The following TRMT9B variants were observed in gnomAD, a reference collection of about 807,000 sequenced individuals.
TRMT9B encodes the protein tRNA methyltransferase 9B (putative).
TRMT9B carries 16 observed loss-of-function variants against 11.5 expected under a neutral mutation model. The observed-to-expected ratio is 1.39, with a 90% CI of 0.94 to 2.11. TRMT9B has a LOEUF of 2.11. Among genes scored for constraint, TRMT9B ranks in the 30% most tolerant of loss-of-function variants. TRMT9B has a pLI of 0.00. For synonymous variants in TRMT9B, 274 were observed against 192.4 expected (o/e 1.42, Z -3.51); for missense variants, 941 against 553.8 (o/e 1.70, Z -7.02).
chr8:12,965,047 A>G (rs889039154), intron 1 of TRMT9B, among the ~76,000 whole-genome samples: 34 of 152,178 alleles, frequency 2.2e-4, no homozygotes, highest in African/African-American at 7.7e-4. Flanking sequence ...AAGAAGTACA[A>G]TTTGCTGCCA....
chr8:12,966,969 G>A (rs1365093057), intron 1 of TRMT9B, among the ~76,000 whole-genome samples: 2 of 152,164 alleles, frequency 1.3e-5, no homozygotes, highest in Admixed American at 1.3e-4. Context: ...AAGCATTTTA[G>A]GGCTAGGTAG....
chr8:12,982,673 A>T lies in TRMT9B; in HGVS notation c.-199-8161A>T, dbSNP rs528509355. ...AGAGACTCCATCTCAAAAAAAAAAA[A>T]ATCATAATCAGAGTTTATTTAGTTT... On this transcript the variant is annotated intron_variant, in intron 1 of 4. Transcript: ENST00000524591. Among the ~76,000 whole-genome samples the T allele has an allele frequency of 2.6e-5, 4 of 152,246 alleles. No individual in the cohort carries two copies. The East Asian group carries it at 7.7e-4, about 29-fold the overall frequency.
In TRMT9B at chr8:13,015,219, AT is replaced by A. The variant is rs1243236644; in HGVS notation, c.328+2368del. ...ATTGGATTTTTTTAATGATTCAAGA[AT>A]TTTTTATTTTTATTTTTTATTTTTC... On this transcript the variant is annotated intron_variant, in intron 4 of 4. Transcript: ENST00000524591. 6.6e-5 allele frequency among the ~76,000 whole-genome samples: 10 copies of A among 151,786 alleles called. No individual in the cohort carries two copies. The South Asian group carries it at 1.0e-3, about 16-fold the overall frequency.
intron 1 of TRMT9B, among the ~76,000 whole-genome samples, chr8:12,946,886 T>TA (rs1800294912): frequency 6.6e-6 from 1 of 152,176 alleles, no homozygotes; most frequent in African/African-American, 2.4e-5. Context: ...CCTATGTACC[T>TA]TGAGAAGGTC....
intron 3 of TRMT9B, among the ~76,000 whole-genome samples, chr8:13,008,739 T>C (rs930828362): frequency 2.0e-5 from 3 of 152,156 alleles, no homozygotes; most frequent in Non-Finnish European, 2.9e-5. Flanking sequence ...AATTTTTTTT[T>C]CTTTTTTGAG....
chr8:12,987,554 G>T lies in TRMT9B; in HGVS notation c.-199-3280G>T, dbSNP rs551704957. Among the ~76,000 whole-genome samples the T allele has an allele frequency of 5.9e-5, 9 of 152,134 alleles. No homozygotes were observed. In the South Asian group the frequency reaches 1.7e-3, roughly 28 times the overall value. On this transcript the variant is annotated intron_variant, in intron 1 of 4. Coordinates refer to ENST00000524591, the MANE Select transcript of TRMT9B (RefSeq NM_020844.3). ...AAAATCACAAAATTAGCAGGATATGGTGGTACACGCCTATAGTCCCAGATA... is the reference window on the plus strand; with the variant it reads ...AAAATCACAAAATTAGCAGGATATGTTGGTACACGCCTATAGTCCCAGATA...
At chr8:12,969,473 G>A (rs1803282571) in intron 1 of TRMT9B, among the ~76,000 whole-genome samples, 1 of 152,104 alleles carries the variant, frequency 6.6e-6, no homozygotes, top group South Asian at 2.1e-4. Context: ...GCACAACTCT[G>A]TGATACAAAA....
At chr8:12,948,764 T>C (rs1800390912) in intron 1 of TRMT9B, among the ~76,000 whole-genome samples, 1 of 151,972 alleles carries the variant, frequency 6.6e-6, no homozygotes, top group South Asian at 2.1e-4. Flanking sequence ...ATCGAGACCA[T>C]TCTGGCTAAC....
chr8:13,012,333 T>C (rs1811775809), intron 3 of TRMT9B: 1 of 955,030 alleles, frequency 1.0e-6, no homozygotes, highest in South Asian at 4.6e-5. Context: ...TCCCAGCACT[T>C]TGGGAGGCCG....
chr8:12,994,750 C>T (rs1245428373), intron 2 of TRMT9B, among the ~76,000 whole-genome samples: 1 of 152,160 alleles, frequency 6.6e-6, no homozygotes, highest in African/African-American at 2.4e-5. Context: ...GGCACGATCT[C>T]AGCTCACTGC....
At chr8:12,984,950 AACATACACACAC>A (rs771430799) in intron 1 of TRMT9B, among the ~76,000 whole-genome samples, 3 of 112,336 alleles carry the variant, frequency 2.7e-5, no homozygotes, top group Non-Finnish European at 3.7e-5. Flanking sequence ...CACCTCCCTC[AACATACACACAC>A]ACACACACAC....
At chr8:12,956,023 T>C (rs965425350) in intron 1 of TRMT9B, among the ~76,000 whole-genome samples, 6 of 152,312 alleles carry the variant, frequency 3.9e-5, no homozygotes, top group African/African-American at 1.2e-4. Flanking sequence ...GACTGAACAT[T>C]GCTACCAACA....
chr8:12,960,119 T>C (rs766898076), intron 1 of TRMT9B: 2 of 152,172 alleles, frequency 1.3e-5, no homozygotes, highest in African/African-American at 2.4e-5. Flanking sequence ...GAAAGTAATG[T>C]CCATGCCTCT....
intron 3 of TRMT9B, chr8:13,010,297 T>C: frequency 3.2e-6 from 3 of 940,306 alleles, no homozygotes; most frequent in Non-Finnish European, 3.8e-6. Context: ...ATATTTTCAT[T>C]GCAAAATGAA....
rs1814978954 is a variant in TRMT9B at position 13,028,562 on chromosome 8, CTCTTT to C, written c.*6530_*6534del. On this transcript the variant is annotated 3_prime_UTR_variant, in exon 5 of 5. Coordinates refer to ENST00000524591, the MANE Select transcript of TRMT9B (RefSeq NM_020844.3). The stretch of plus-strand genomic sequence containing the variant: ...ATTTGGCTAAGTGATAAGCACTTTT[CTCTTT>C]TCTTTTCTTTTTTTTTTTTTTTTTT... The C allele has an allele frequency of 8.3e-6, 1 of 120,416 alleles. No homozygotes were observed. The allele number at this position is 120,416 out of a possible 1,614,324, so 7.5% of individuals were successfully genotyped here. A position where few individuals can be genotyped will look rare whatever the true frequency, so the allele number is the denominator to read the frequency against.
chr8:12,971,545 A>G (rs114174943), intron 1 of TRMT9B, among the ~76,000 whole-genome samples: 2,192 of 152,332 alleles, frequency 0.014, 53 homozygotes, highest in African/African-American at 0.049. Flanking sequence ...CTAGTGCGAT[A>G]TCCAGTATAC....
At chr8:12,979,177 G>T in intron 1 of TRMT9B, among the ~76,000 whole-genome samples, 1 of 152,148 alleles carries the variant, frequency 6.6e-6, no homozygotes, top group East Asian at 1.9e-4. Context: ...CCTTTTCAGG[G>T]GAGTGACCTA....
chr8:13,012,583 TA>T (rs1811839881), intron 3 of TRMT9B, 100 bp from the exon 4 acceptor site: 1 of 1,396,068 alleles, frequency 7.2e-7, no homozygotes, highest in African/African-American at 1.5e-5. Context: ...TCAAAATAAA[TA>T]AATAAATAAA....
chr8:12,983,005 C>A (rs1294247856), intron 1 of TRMT9B, among the ~76,000 whole-genome samples: 1 of 152,166 alleles, frequency 6.6e-6, no homozygotes, highest in Non-Finnish European at 1.5e-5. Context: ...CCACGGGTTC[C>A]CCACGATGCC....
Sources: allele counts gnomAD v4.1 joint callset (sites outside exome capture counted in the v4.1 genomes callset), GRCh38; gene constraint gnomAD v4.1.1; transcripts MANE v1.5; gene names NCBI Gene and HGNC (gene_info 2026-07-23, HGNC 2026-07-21).